The following AOC3 variants were observed in gnomAD, a reference collection of about 807,000 sequenced individuals.
AOC3 encodes amine oxidase [copper-containing] 3.
Under a neutral mutation model 55.4 loss-of-function variants are expected in AOC3, and 47 were observed. The ratio of observed to expected loss-of-function variants is 0.85; its 90% CI spans 0.67 to 1.08. The LOEUF is 1.08. Among genes scored for constraint, AOC3 ranks in the 50% least tolerant of loss-of-function variants. The pLI is 0.00. For missense variants in AOC3, 853 were observed against 993.1 expected (o/e 0.86, Z 1.90); for synonymous variants, 386 against 410.7 (o/e 0.94, Z 0.73).
Position 42,852,636 on chromosome 17 carries a change from G to T in AOC3, c.1293G>T (p.Val431=). ...APKTIRDAFC[V]FEQNQGLPLR... ...AGACAATACGTGATGCCTTTTGTGT[G>T]TTTGAACAGAACCAGGGCCTCCCCC... Residue 431 remains valine (V), a synonymous_variant, in exon 1 of 4, where the codon GTG becomes GTT. Coordinates refer to ENST00000308423, the MANE Select transcript of AOC3 (RefSeq NM_003734.4). The T allele has an allele frequency of 6.2e-7, 1 of 1,614,226 alleles. No homozygotes were observed. Among genetic ancestry groups the T allele is most frequent in the Non-Finnish European group, 8.5e-7 (1 of 1,180,046 alleles).
rs949031706 is a variant in AOC3, at chr17:42,857,750, A to G, written c.*1200A>G. 3 of 152,250 alleles carry G rather than the reference A, an allele frequency of 2.0e-5. No individual in the cohort carries two copies. Among genetic ancestry groups the G allele is most frequent in the Non-Finnish European group, 2.9e-5 (2 of 68,050 alleles). The allele number at this position is 152,250 out of a possible 1,614,324, so 9.4% of individuals were successfully genotyped here. A position where few individuals can be genotyped will look rare whatever the true frequency, so the allele number is the denominator to read the frequency against. ...GAAATAGCAAGAGATGAGAAACAAC[A>G]GAAACTTTTTTCTCTAAAGGACTGG... On this transcript the variant is annotated 3_prime_UTR_variant, in exon 4 of 4. Transcript: ENST00000308423.
rs1719340343 is a variant in AOC3, at chr17:42,856,449, G to C, written c.2191G>C (p.Ala731Pro). The change falls in exon 4 of 4, where the codon GCT (alanine) becomes CCT (proline). Residue 731 changes from alanine (A) to proline (P), a missense_variant. Ala to Pro is a conservative substitution (Grantham distance 27, BLOSUM62 -1). Transcript: ENST00000308423. ...CATCTACTTCCGAGGGGACCAGGAT[G>C]CTGGGGCCTGCGAGGTCAACCCCCT... The part of the protein sequence containing the change: ...DSIYFRGDQD[A>P]GACEVNPLAC... 1 of 1,613,810 alleles carries C rather than the reference G, an allele frequency of 6.2e-7. No individual in the cohort carries two copies. Among genetic ancestry groups the C allele is most frequent in the South Asian group, 1.1e-5 (1 of 91,076 alleles).
In AOC3 at chr17:42,852,846, T is replaced by C. The variant is rs773575580; in HGVS notation, c.1503T>C (p.Phe501=). ...ATGYISSAFL[F]GATGKYGNQV... Reference sequence around the variant, plus strand: ...GCTACATCAGCTCGGCATTCCTCTTTGGTGCTACTGGGAAGTACGGGAACC... The same window carrying C: ...GCTACATCAGCTCGGCATTCCTCTTCGGTGCTACTGGGAAGTACGGGAACC... The change falls in exon 1 of 4, where the codon TTT becomes TTC. Residue 501 remains phenylalanine (F), a synonymous_variant. Coordinates refer to ENST00000308423, the MANE Select transcript of AOC3 (RefSeq NM_003734.4). 36 of 1,613,960 alleles carry C rather than the reference T, an allele frequency of 2.2e-5. 1 individual carries two copies. Among genetic ancestry groups the C allele is most frequent in the Non-Finnish European group, 2.7e-5 (32 of 1,179,880 alleles).
chr17:42,852,063 G>C lies in AOC3; in HGVS notation c.720G>C (p.Leu240=). 3 of 1,613,910 alleles carry C rather than the reference G, an allele frequency of 1.9e-6. No homozygotes were observed. The highest frequency in any genetic ancestry group is 2.5e-6 in the Non-Finnish European group (3 of 1,179,858). Residue 240 remains leucine (L), a synonymous_variant, in exon 1 of 4, where the codon CTG becomes CTC. Transcript: ENST00000308423. ...ACATCTCGGGCGCTGGGTTCTTCCT[G>C]CACCACGTGGGCTTGGAGCTGCTAG... ...YYNISGAGFF[L]HHVGLELLVN... is the part of the protein sequence containing the mutation.
chr17:42,854,516 C>T lies in AOC3; in HGVS notation c.1669C>T (p.His557Tyr), dbSNP rs2055719019. The part of the protein sequence containing the change: ...VPMAVPWSPE[H>Y]QLQRLQVTRK... Reference sequence around the variant, plus strand: ...CATGGCTGTGCCCTGGAGCCCTGAGCACCAGCTGCAGAGGCTGCAGGTGAC... The same window carrying T: ...CATGGCTGTGCCCTGGAGCCCTGAGTACCAGCTGCAGAGGCTGCAGGTGAC... Residue 557 changes from histidine (H) to tyrosine (Y), a missense_variant, in exon 2 of 4, where the codon CAC becomes TAC. Coordinates refer to ENST00000308423, the MANE Select transcript of AOC3 (RefSeq NM_003734.4). 1.2e-6 allele frequency: 2 copies of T among 1,607,520 alleles called. No homozygotes were observed. The highest frequency in any genetic ancestry group is 1.7e-6 in the Non-Finnish European group (2 of 1,176,370).
chr17:42,854,824 A>G, intron 2 of AOC3, 91 bp downstream of exon 2: 1 of 1,064,006 alleles, frequency 9.4e-7, no homozygotes. Context: ...GTGAGGGGAG[A>G]GCTCTCTCAG....
rs35643019 is a variant in AOC3 at position 42,852,565 on chromosome 17, G to T, written c.1222G>T (p.Ala408Ser). The T allele has an allele frequency of 1.1e-5, 18 of 1,614,058 alleles. No individual in the cohort carries two copies. The Admixed American group carries it at 2.3e-4, about 21-fold the overall frequency. Reference sequence around the variant, plus strand: ...CCGTGGGGTGGACTGCCCCTACTTGGCCACCTACGTGGACTGGCACTTCCT... The same window carrying T: ...CCGTGGGGTGGACTGCCCCTACTTGTCCACCTACGTGGACTGGCACTTCCT... Reference protein sequence around the residue: ...LTRGVDCPYLATYVDWHFLLE... With the variant: ...LTRGVDCPYLSTYVDWHFLLE... The change falls in exon 1 of 4, where the codon GCC becomes TCC. Residue 408 changes from alanine (A) to serine (S), a missense_variant. Physicochemically the swap from Ala to Ser is moderately conservative, Grantham distance 99. Transcript: ENST00000308423.
rs752747438 is a variant in AOC3, at chr17:42,852,887, C to T, written c.1544C>T (p.Thr515Ile). ...TACGGGAACCAAGTGTCAGAGCACA[C>T]CCTGGGCACGGTCCACACCCACAGC... ...GKYGNQVSEH[T>I]LGTVHTHSAH... The change falls in exon 1 of 4, where the codon ACC becomes ATC. Residue 515 changes from threonine to isoleucine, a missense_variant. Thr to Ile is a moderately conservative substitution (Grantham distance 89). Transcript: ENST00000308423. The T allele has an allele frequency of 6.2e-7, 1 of 1,612,314 alleles. No homozygotes were observed. Among genetic ancestry groups the T allele is most frequent in the South Asian group, 1.1e-5 (1 of 91,064 alleles).
Position 42,856,274 on chromosome 17 carries a change from G to C in AOC3, c.2017-1G>C, listed in dbSNP as rs1282451007. The C allele has an allele frequency of 1.9e-6, 3 of 1,613,752 alleles. No homozygotes were observed. Among genetic ancestry groups the C allele is most frequent in the African/African-American group, 1.3e-5 (1 of 75,046 alleles). ...TGATCCTCTTTCTTCTCCCCTGCTA[G>C]GATTTGGTGGCCTGGGTGACAGCTG... is the stretch of plus-strand genomic sequence containing the variant. On this transcript the variant is annotated splice_acceptor_variant, in intron 3 of 3. Coordinates refer to ENST00000308423, the MANE Select transcript of AOC3 (RefSeq NM_003734.4). LOFTEE classifies it high-confidence loss of function.
chr17:42,856,352 G>T lies in AOC3; in HGVS notation c.2094G>T (p.Gly698=), dbSNP rs377171742. Residue 698 remains glycine, a synonymous_variant, in exon 4 of 4, where the codon GGG becomes GGT. Transcript: ENST00000308423. ...ACATTCCTAACACAGTGACTGTGGG[G>T]AACGGCGTGGGCTTCTTCCTCCGAC... ...AEDIPNTVTV[G]NGVGFFLRPY... is the part of the protein sequence containing the mutation. The T allele has an allele frequency of 1.5e-5, 25 of 1,614,058 alleles. No homozygotes were observed. Among genetic ancestry groups the T allele is most frequent in the Non-Finnish European group, 2.1e-5 (25 of 1,180,044 alleles).
chr17:42,854,697 A>G lies in AOC3; in HGVS notation c.1850A>G (p.Gln617Arg), dbSNP rs2055724359. 4.0e-6 allele frequency: 6 copies of G among 1,503,028 alleles called. No individual in the cohort carries two copies. The highest frequency in any genetic ancestry group is 1.4e-5 in the African/African-American group (1 of 71,290). The allele number at this position is 1,503,028 out of a possible 1,614,324, so 93.1% of individuals were successfully genotyped here. Residue 617 changes from glutamine to arginine, a missense_variant, in exon 2 of 4, where the codon CAA becomes CGA. Transcript: ENST00000308423. The part of the protein sequence containing the change: ...MLSFAGEPLP[Q>R]NSSMARGFSW... The stretch of plus-strand genomic sequence containing the variant: ...AGCTTTGCTGGAGAGCCGCTGCCCC[A>G]AAACAGCTCCATGGCGAGAGGCTTC...
chr17:42,851,278 C>G lies in AOC3; in HGVS notation c.-66C>G. On this transcript the variant is annotated 5_prime_UTR_variant, in exon 1 of 4. Coordinates refer to ENST00000308423, the MANE Select transcript of AOC3 (RefSeq NM_003734.4). ...CCCGTCCAGGAGCCAACAGAGCCCC[C>G]GTCTTGCTGGCGTGAGAATACATTG... The G allele has an allele frequency of 2.6e-6, 4 of 1,516,278 alleles. No individual in the cohort carries two copies. The highest frequency in any genetic ancestry group is 3.6e-6 in the Non-Finnish European group (4 of 1,124,218). The allele number at this position is 1,516,278 out of a possible 1,614,324, so 93.9% of individuals were successfully genotyped here. A position where few individuals can be genotyped will look rare whatever the true frequency, so the allele number is the denominator to read the frequency against.
rs534356984 is a variant in AOC3 at position 42,856,678 on chromosome 17, C to T, written c.*128C>T. ...TGCCAGGACTCTCTTTCTTCCACTA[C>T]CCTCCCTCGCATCCGCCTCTGAGCC... On this transcript the variant is annotated 3_prime_UTR_variant, in exon 4 of 4. Transcript: ENST00000308423. 66 of 1,117,148 alleles carry T rather than the reference C, an allele frequency of 5.9e-5. No individual in the cohort carries two copies. The African/African-American group carries it at 7.2e-4, about 12-fold the overall frequency. The allele number at this position is 1,117,148 out of a possible 1,614,324, so 69.2% of individuals were successfully genotyped here.
chr17:42,855,880 G>A (rs1234011702), intron 3 of AOC3, among the ~76,000 whole-genome samples: 2 of 152,176 alleles, frequency 1.3e-5, no homozygotes, highest in African/African-American at 4.8e-5. Flanking sequence ...TCCTGTATCT[G>A]AAGCTTCTCC....
rs570018330 is a variant in AOC3, at chr17:42,852,003, A to C, written c.660A>C (p.Ser220=). 29 of 1,613,466 alleles carry C rather than the reference A, an allele frequency of 1.8e-5. No homozygotes were observed. The highest frequency in any genetic ancestry group is 2.5e-5 in the Non-Finnish European group (29 of 1,179,602). The stretch of plus-strand genomic sequence containing the variant: ...CCACGGCTCCCCGTGGTCTGCAATC[A>C]GGGGACCGGGCCACCTGGTTTGGCC... ...TMTTAPRGLQ[S]GDRATWFGLY... The change falls in exon 1 of 4, where the codon TCA becomes TCC. Residue 220 remains serine (S), a synonymous_variant. Coordinates refer to ENST00000308423, the MANE Select transcript of AOC3 (RefSeq NM_003734.4).
chr17:42,856,654 G>A lies in AOC3; in HGVS notation c.*104G>A. The A allele has an allele frequency of 1.5e-6, 2 of 1,342,808 alleles. No homozygotes were observed. Among genetic ancestry groups the A allele is most frequent in the Non-Finnish European group, 2.0e-6 (2 of 984,756 alleles). The allele number at this position is 1,342,808 out of a possible 1,614,324, so 83.2% of individuals were successfully genotyped here. On this transcript the variant is annotated 3_prime_UTR_variant, in exon 4 of 4. Transcript: ENST00000308423. ...GGCAGCCTGGTTCCCTCTTTCCTGT[G>A]CCAGGACTCTCTTTCTTCCACTACC...
In AOC3 at chr17:42,856,364, C is replaced by A. The variant is rs754884079; in HGVS notation, c.2106C>A (p.Gly702=). Reference sequence around the variant, plus strand: ...CAGTGACTGTGGGGAACGGCGTGGGCTTCTTCCTCCGACCCTATAACTTCT... The same window carrying A: ...CAGTGACTGTGGGGAACGGCGTGGGATTCTTCCTCCGACCCTATAACTTCT... ...PNTVTVGNGV[G]FFLRPYNFFD... The change falls in exon 4 of 4, where the codon GGC becomes GGA. Residue 702 remains glycine (G), a synonymous_variant. Transcript: ENST00000308423. 6.2e-7 allele frequency: 1 copy of A among 1,614,214 alleles called. No homozygotes were observed. Among genetic ancestry groups the A allele is most frequent in the Admixed American group, 1.7e-5 (1 of 60,030 alleles).
chr17:42,854,566 G>A lies in AOC3; in HGVS notation c.1719G>A (p.Glu573=). The change falls in exon 2 of 4, where the codon GAG becomes GAA. Residue 573 remains glutamate, a synonymous_variant. Transcript: ENST00000308423. The stretch of plus-strand genomic sequence containing the variant: ...CCCGGAAGCTGCTGGAGATGGAGGA[G>A]CAGGCCGCCTTCCTCGTGGGAAGCG... The part of the protein sequence containing the change: ...QVTRKLLEME[E]QAAFLVGSAT... The A allele has an allele frequency of 1.2e-6, 2 of 1,611,052 alleles. No individual in the cohort carries two copies. Among genetic ancestry groups the A allele is most frequent in the Non-Finnish European group, 1.7e-6 (2 of 1,178,612 alleles).
In AOC3 at chr17:42,851,851, C is replaced by T. The variant is rs774220980; in HGVS notation, c.508C>T (p.Pro170Ser). The change falls in exon 1 of 4, where the codon CCC (proline) becomes TCC (serine). Residue 170 changes from proline to serine, a missense_variant. Pro to Ser is a moderately conservative substitution (Grantham distance 74, BLOSUM62 -1). Transcript: ENST00000308423. Reference protein sequence around the residue: ...HGGPLPYHRRPVLFQEYLDID... With the variant: ...HGGPLPYHRRSVLFQEYLDID... ...AGGCCCCCTGCCCTATCACCGACGC[C>T]CCGTGCTGTTCCAAGAGTACCTGGA... 1 of 1,613,650 alleles carries T rather than the reference C, an allele frequency of 6.2e-7. No homozygotes were observed. Among genetic ancestry groups the T allele is most frequent in the Non-Finnish European group, 8.5e-7 (1 of 1,180,050 alleles).
Sources: allele counts gnomAD v4.1 joint callset (sites outside exome capture counted in the v4.1 genomes callset), GRCh38; gene constraint gnomAD v4.1.1; transcripts MANE v1.5; gene names NCBI Gene and HGNC (gene_info 2026-07-23, HGNC 2026-07-21).